SIPA1L3: variants seen among roughly 807,000 people sequenced by gnomAD.
SIPA1L3 encodes signal induced proliferation associated 1 like 3.
SIPA1L3 carries 59 observed loss-of-function variants against 150.1 expected under a neutral mutation model. The observed-to-expected ratio is 0.39, with a 90% CI of 0.32 to 0.49. SIPA1L3 has a LOEUF of 0.49. SIPA1L3 is among the 20% of genes least tolerant of loss of function. The pLI is 0.86. For synonymous variants in SIPA1L3, 1,070 were observed against 1,077.6 expected (o/e 0.99, Z 0.14); for missense variants, 2,211 against 2,489.5 (o/e 0.89, Z 2.38).
intron 2 of SIPA1L3, among the ~76,000 whole-genome samples, chr19:38,032,191 T>G (rs944383337): frequency 1.3e-5 from 2 of 152,176 alleles, no homozygotes; most frequent in Non-Finnish European, 2.9e-5. Context: ...CCCCCTTATT[T>G]CTTTATTTAG....
intron 12 of SIPA1L3, among the ~76,000 whole-genome samples, chr19:38,145,612 A>G (rs1333510276): frequency 2.6e-5 from 4 of 151,946 alleles, no homozygotes; most frequent in South Asian, 2.1e-4. Context: ...TATTGTTAAC[A>G]TCTTGTATGG....
chr19:38,102,628 C>G (rs576472622), intron 6 of SIPA1L3, among the ~76,000 whole-genome samples: 12 of 150,684 alleles, frequency 8.0e-5, no homozygotes, highest in Admixed American at 1.3e-4. Flanking sequence ...AACAAAAACC[C>G]AGCAATATAT....
intron 6 of SIPA1L3, among the ~76,000 whole-genome samples, chr19:38,105,223 G>C (rs1462355550): frequency 2.0e-5 from 3 of 152,112 alleles, no homozygotes; most frequent in Non-Finnish European, 4.4e-5. Context: ...AAATTATCCA[G>C]GCATGGTGGC....
At chr19:37,959,368 C>T (rs568758813) in intron 1 of SIPA1L3, among the ~76,000 whole-genome samples, 2 of 152,276 alleles carry the variant, frequency 1.3e-5, no homozygotes, top group East Asian at 3.9e-4. Context: ...CTGATACAGA[C>T]TACAACATGG....
At chr19:38,183,735 G>C (rs1301213035) in intron 16 of SIPA1L3, among the ~76,000 whole-genome samples, 2 of 152,156 alleles carry the variant, frequency 1.3e-5, no homozygotes, top group Admixed American at 1.3e-4. Context: ...AGAAATGTGG[G>C]ACTGAGACTG....
intron 4 of SIPA1L3, among the ~76,000 whole-genome samples, chr19:38,093,713 G>A (rs530625749): frequency 9.1e-4 from 139 of 152,288 alleles, no homozygotes; most frequent in Middle Eastern, 6.8e-3. Context: ...CAGCCAGCCT[G>A]CCCCAGATGG....
chr19:38,082,383 C>G lies in SIPA1L3; in HGVS notation c.818C>G (p.Pro273Arg). ...CAGCCCGCCAAGGACAGCCTCCTGCCACTGCAGCCCACGAAGGAGAAGGAG... is the reference window on the plus strand; with the variant it reads ...CAGCCCGCCAAGGACAGCCTCCTGCGACTGCAGCCCACGAAGGAGAAGGAG... ...NGQPAKDSLL[P>R]LQPTKEKEKA... The change falls in exon 3 of 22, where the codon CCA becomes CGA. Residue 273 changes from proline (P) to arginine (R), a missense_variant. By Grantham distance (103) the Pro-to-Arg change is moderately radical (BLOSUM62 -2). Around this residue, in one of 5 missense-constraint regions of SIPA1L3, gnomAD observed 587 missense variants for 534.5 expected, o/e 1.10. Coordinates refer to ENST00000222345, the MANE Select transcript of SIPA1L3 (RefSeq NM_015073.3). 2 of 1,598,672 alleles carry G rather than the reference C, an allele frequency of 1.3e-6. No homozygotes were observed. Among genetic ancestry groups the G allele is most frequent in the Non-Finnish European group, 1.7e-6 (2 of 1,178,186 alleles).
intron 1 of SIPA1L3, among the ~76,000 whole-genome samples, chr19:37,918,716 A>G (rs1243998856): frequency 6.6e-6 from 1 of 151,614 alleles, no homozygotes; most frequent in Non-Finnish European, 1.5e-5. Context: ...CTAAAAATAG[A>G]AAAAATTAGC....
At chr19:37,962,378 A>G (rs1238088581) in intron 1 of SIPA1L3, among the ~76,000 whole-genome samples, 2 of 149,446 alleles carry the variant, frequency 1.3e-5, no homozygotes, top group African/African-American at 5.0e-5. Flanking sequence ...TCCTGACCTC[A>G]GGTGATCTGC....
intron 21 of SIPA1L3, among the ~76,000 whole-genome samples, chr19:38,205,119 T>C (rs538267857): frequency 3.9e-4 from 59 of 152,280 alleles, no homozygotes; most frequent in African/African-American, 1.2e-3. Context: ...GAGAGGGCCA[T>C]CTAGAAGGTG....
rs981799711 is a variant in SIPA1L3 at position 38,204,335 on chromosome 19, G to A, written c.5202+127G>A. ...ACCCCCACACCTCCTGTGTTTGAGT[G>A]TAGTCATGGGTGAAGAGTAAACAGT... On this transcript the variant is annotated intron_variant, in intron 21 of 21. Coordinates refer to ENST00000222345, the MANE Select transcript of SIPA1L3 (RefSeq NM_015073.3). 7.5e-6 allele frequency: 5 copies of A among 670,646 alleles called. No homozygotes were observed. In the Admixed American group the frequency reaches 7.5e-5, roughly 10 times the overall value. 41.5% of individuals were successfully genotyped at this position (670,646 alleles called of 1,614,324 possible).
chr19:38,154,603 A>ACT (rs1238843565), intron 13 of SIPA1L3, among the ~76,000 whole-genome samples: 2 of 152,056 alleles, frequency 1.3e-5, no homozygotes, highest in African/African-American at 4.8e-5. Flanking sequence ...ATGCGCCACC[A>ACT]CACCTGGCTA....
chr19:38,110,621 G>A (rs926044494), intron 8 of SIPA1L3, among the ~76,000 whole-genome samples: 9 of 152,206 alleles, frequency 5.9e-5, no homozygotes, highest in African/African-American at 1.9e-4. Context: ...TTTGTTTCAA[G>A]TGACAGAAAA....
chr19:38,102,695 G>T (rs562677973), intron 6 of SIPA1L3, among the ~76,000 whole-genome samples: 1 of 152,268 alleles, frequency 6.6e-6, no homozygotes, highest in African/African-American at 2.4e-5. Context: ...AGCCAAGCGT[G>T]GTGGCTCATG....
intron 12 of SIPA1L3, among the ~76,000 whole-genome samples, chr19:38,144,282 CAGAG>C (rs1243175058): frequency 6.6e-6 from 1 of 152,240 alleles, no homozygotes; most frequent in African/African-American, 2.4e-5. Context: ...GAGAGAGAGA[CAGAG>C]AGGGTAAGCG....
chr19:38,152,720 C>A, intron 12 of SIPA1L3, 120 bp from the exon 13 acceptor site: 3 of 1,073,778 alleles, frequency 2.8e-6, no homozygotes, highest in Non-Finnish European at 2.6e-6. Context: ...TTCTCTCATC[C>A]ACAGCGGAGC....
intron 1 of SIPA1L3, among the ~76,000 whole-genome samples, chr19:37,928,226 C>T (rs1357634447): frequency 5.3e-5 from 8 of 152,090 alleles, no homozygotes; most frequent in Non-Finnish European, 8.8e-5. Context: ...CAGTCTGACT[C>T]CAGAGCTGTA....
chr19:38,059,841 A>G (rs769341297), intron 2 of SIPA1L3, among the ~76,000 whole-genome samples: 4 of 151,774 alleles, frequency 2.6e-5, no homozygotes, highest in African/African-American at 9.7e-5. Flanking sequence ...CAGTAGTGCA[A>G]TCTCCGGTCA....
chr19:38,087,198 G>GT (rs1289780997), intron 3 of SIPA1L3, among the ~76,000 whole-genome samples: 1 of 152,204 alleles, frequency 6.6e-6, no homozygotes, highest in Non-Finnish European at 1.5e-5. Flanking sequence ...ATTGGTCAGT[G>GT]TTTATTGAGT....
Sources: allele counts gnomAD v4.1 joint callset (sites outside exome capture counted in the v4.1 genomes callset), GRCh38; gene constraint gnomAD v4.1.1; regional missense constraint gnomAD v4.1.1; transcripts MANE v1.5; gene names NCBI Gene and HGNC (gene_info 2026-07-23, HGNC 2026-07-21).